Variants in BMPR1B observed in about 807,000 individuals in gnomAD.
BMPR1B encodes the protein bone morphogenetic protein receptor type 1B, also known as bone morphogenetic protein receptor type-1B.
Under a neutral mutation model 59.1 loss-of-function variants are expected in BMPR1B, and 12 were observed. The observed-to-expected ratio is 0.20, with a 90% confidence interval of 0.13 to 0.33. The LOEUF (loss-of-function observed/expected upper bound fraction) is 0.33, where lower values mean the gene tolerates loss of function less well. Among genes scored for constraint, BMPR1B ranks in the 10% least tolerant of loss-of-function variants. The pLI, the probability that BMPR1B is intolerant of heterozygous loss-of-function variation, is 1.00. For synonymous variants in BMPR1B, 237 were observed against 207.3 expected (o/e 1.14, Z -1.23); for missense variants, 550 against 610.9 (o/e 0.90, Z 1.05).
intron 2 of BMPR1B, among the ~76,000 whole-genome samples, chr4:94,946,464 A>T (rs1215636663): frequency 6.6e-6 from 1 of 152,208 alleles, no homozygotes; most frequent in African/African-American, 2.4e-5. Flanking sequence ...TAATACATAG[A>T]GTAAAAAACT....
intron 1 of BMPR1B, among the ~76,000 whole-genome samples, chr4:94,859,004 A>G (rs886387623): frequency 6.6e-6 from 1 of 152,230 alleles, no homozygotes; most frequent in Non-Finnish European, 1.5e-5. Context: ...TTAATAGATA[A>G]GCATGTCAAC....
At chr4:94,873,017 C>A (rs939960666) in intron 1 of BMPR1B, among the ~76,000 whole-genome samples, 2 of 152,168 alleles carry the variant, frequency 1.3e-5, no homozygotes, top group African/African-American at 4.8e-5. Flanking sequence ...AGTACAACTT[C>A]ACATTTACCT....
In BMPR1B at chr4:94,944,761, GC is replaced by G. The variant is rs1729647465; in HGVS notation, c.-112-51277del. 3.9e-5 allele frequency among the ~76,000 whole-genome samples: 6 copies of G among 152,060 alleles called. No individual in the cohort carries two copies. The South Asian group carries it at 1.2e-3, about 31-fold the overall frequency. On this transcript the variant is annotated intron_variant, in intron 2 of 12. Transcript: ENST00000515059. ...GATTTTTTTTAAAAATGAACTTATTGCCTTATTGTAATGCTACCATAATGTT... is the reference window on the plus strand; with the variant it reads ...GATTTTTTTTAAAAATGAACTTATTGCTTATTGTAATGCTACCATAATGTT...
chr4:94,984,332 G>T (rs1721272163), intron 2 of BMPR1B, among the ~76,000 whole-genome samples: 1 of 152,148 alleles, frequency 6.6e-6, no homozygotes, highest in Non-Finnish European at 1.5e-5. Flanking sequence ...CTTTTAAATG[G>T]TATTGATTGC....
At chr4:94,941,414 A>G (rs918501782) in intron 2 of BMPR1B, among the ~76,000 whole-genome samples, 3 of 150,918 alleles carry the variant, frequency 2.0e-5, no homozygotes, top group African/African-American at 7.3e-5. Context: ...CCTGGGTGAC[A>G]AGAGTGAAAA....
At chr4:94,969,763 T>C (rs1328884242) in intron 2 of BMPR1B, among the ~76,000 whole-genome samples, 1 of 152,216 alleles carries the variant, frequency 6.6e-6, no homozygotes, top group Non-Finnish European at 1.5e-5. Flanking sequence ...GAAGGGGATT[T>C]TGTCTACTTT....
intron 1 of BMPR1B, among the ~76,000 whole-genome samples, chr4:94,835,562 T>C (rs1225297156): frequency 6.6e-6 from 1 of 152,194 alleles, no homozygotes; most frequent in Non-Finnish European, 1.5e-5. Flanking sequence ...TACACTGCAG[T>C]GACAGTCTCT....
At chr4:94,782,906 T>C (rs149760744) in intron 1 of BMPR1B, among the ~76,000 whole-genome samples, 4 of 152,144 alleles carry the variant, frequency 2.6e-5, no homozygotes, top group East Asian at 3.9e-4. Context: ...TTTTAGGCAA[T>C]ATATTGTAAC....
rs866720596 is a variant in BMPR1B, at chr4:95,015,755, C to T, written c.-18+19621C>T. ...GTCACCAGACTGGAGTGCAGTGGCA[C>T]GGTCTCGGCTCACTGCAACCTCTGC... is the stretch of plus-strand genomic sequence containing the variant. On this transcript the variant is annotated intron_variant, in intron 3 of 12. Transcript: ENST00000515059. Among the ~76,000 whole-genome samples, 38 of 151,478 alleles carry T rather than the reference C, an allele frequency of 2.5e-4. No individual in the cohort carries two copies. The East Asian group carries it at 3.7e-3, about 15-fold the overall frequency.
At chr4:95,115,266 CAT>C (rs1579102319) in intron 5 of BMPR1B, among the ~76,000 whole-genome samples, 1 of 152,202 alleles carries the variant, frequency 6.6e-6, no homozygotes, top group African/African-American at 2.4e-5. Flanking sequence ...TTAAGTGACA[CAT>C]GATTGTAATT....
intron 2 of BMPR1B, among the ~76,000 whole-genome samples, chr4:94,924,874 T>A (rs1257001763): frequency 1.3e-5 from 2 of 152,166 alleles, no homozygotes; most frequent in East Asian, 3.9e-4. Flanking sequence ...CCAAAAAATC[T>A]TCTTCATGTT....
intron 2 of BMPR1B, among the ~76,000 whole-genome samples, chr4:94,912,481 G>A (rs1341237426): frequency 6.6e-6 from 1 of 152,080 alleles, no homozygotes; most frequent in Non-Finnish European, 1.5e-5. Flanking sequence ...AGTGGGATAT[G>A]GGGAAAGAGA....
chr4:95,125,153 A>G, intron 8 of BMPR1B, 32 bp downstream of exon 8: 1 of 1,612,458 alleles, frequency 6.2e-7, no homozygotes, highest in Non-Finnish European at 8.5e-7. Context: ...AATTTAAAGG[A>G]AATGTTTTCT....
At chr4:94,819,322 G>C (rs1724122217) in intron 1 of BMPR1B, among the ~76,000 whole-genome samples, 3 of 152,098 alleles carry the variant, frequency 2.0e-5, no homozygotes. Flanking sequence ...ACTTCTCTTT[G>C]TGGCATCCGA....
chr4:94,870,601 A>G (rs936641998), intron 1 of BMPR1B, among the ~76,000 whole-genome samples: 6 of 152,168 alleles, frequency 3.9e-5, no homozygotes, highest in Admixed American at 3.9e-4. Flanking sequence ...AATAATAATA[A>G]ATGATTTAGT....
chr4:94,787,525 C>T (rs200877079), intron 1 of BMPR1B, among the ~76,000 whole-genome samples: 4 of 152,124 alleles, frequency 2.6e-5, no homozygotes, highest in Non-Finnish European at 5.9e-5. Flanking sequence ...TGCTAAGTTT[C>T]GCCAGTTTAT....
chr4:94,828,989 TAA>T (rs61605288), intron 1 of BMPR1B, among the ~76,000 whole-genome samples: 12 of 144,346 alleles, frequency 8.3e-5, no homozygotes, highest in East Asian at 2.0e-4. Context: ...GAGAAGTCAT[TAA>T]AAAAAAAAAA....
chr4:95,127,850 A>G (rs959327668), intron 8 of BMPR1B, among the ~76,000 whole-genome samples: 14 of 151,764 alleles, frequency 9.2e-5, no homozygotes, highest in Non-Finnish European at 1.5e-4. Flanking sequence ...TATATAATAT[A>G]TAATGTCCCC....
intron 3 of BMPR1B, among the ~76,000 whole-genome samples, chr4:95,095,150 C>G (rs533489895): frequency 1.3e-5 from 2 of 151,704 alleles, no homozygotes; most frequent in South Asian, 2.1e-4. Flanking sequence ...GAAACTCAGG[C>G]CTTTAGAGTT....
Sources: gnomAD v4.1 joint callset for allele counts (sites outside exome capture counted in the v4.1 genomes callset) on GRCh38, gnomAD v4.1.1 for gene constraint, MANE v1.5 for transcripts, NCBI Gene and HGNC (gene_info 2026-07-23, HGNC 2026-07-21) for gene names.